MTUS1: variants seen among roughly 807,000 people sequenced by gnomAD.
MTUS1 encodes the protein microtubule-associated tumor suppressor 1.
In MTUS1, 109 loss-of-function variants were observed where a neutral mutation model predicts 120.8. The observed-to-expected ratio is 0.90, with a 90% CI of 0.77 to 1.06. MTUS1 has a LOEUF of 1.06. Ranked by LOEUF, MTUS1 falls within the 50% of genes least tolerant of loss-of-function variation. MTUS1 has a pLI of 0.00. For synonymous variants in MTUS1, 737 were observed against 550.5 expected (o/e 1.34, Z -4.74); for missense variants, 2,210 against 1,486.3 (o/e 1.49, Z -8.01).
At chr8:17,715,627 A>C in intron 5 of MTUS1, 140 bp downstream of exon 5, 2 of 925,382 alleles carry the variant, frequency 2.2e-6, no homozygotes, top group Non-Finnish European at 1.6e-6. Flanking sequence ...CAGTGCAAAA[A>C]TGTATTATAT....
intron 8 of MTUS1, among the ~76,000 whole-genome samples, chr8:17,660,417 T>C (rs975846635): frequency 6.6e-6 from 1 of 152,122 alleles, no homozygotes; most frequent in South Asian, 2.1e-4. Context: ...CAGATGACAT[T>C]TGTGTATCCA....
chr8:17,753,309 A>G (rs530765360), intron 2 of MTUS1, among the ~76,000 whole-genome samples: 1 of 152,326 alleles, frequency 6.6e-6, no homozygotes, highest in East Asian at 1.9e-4. Context: ...TTATGTTGAC[A>G]TGTTTACCAG....
At chr8:17,711,069 T>A (rs1274089879) in intron 6 of MTUS1, among the ~76,000 whole-genome samples, 2 of 152,188 alleles carry the variant, frequency 1.3e-5, no homozygotes, top group East Asian at 3.9e-4. Context: ...GGCTTTGTTG[T>A]TTCATTTATA....
chr8:17,784,987 G>A (rs1365782226), intron 1 of MTUS1, among the ~76,000 whole-genome samples: 1 of 151,420 alleles, frequency 6.6e-6, no homozygotes, highest in Non-Finnish European at 1.5e-5. Context: ...GTTTCACCAT[G>A]TTGGCCAGGC....
intron 3 of MTUS1, among the ~76,000 whole-genome samples, chr8:17,724,833 G>C (rs1043352977): frequency 1.3e-5 from 2 of 152,118 alleles, no homozygotes. Flanking sequence ...TCTTCCTTCT[G>C]AATCTCAAGG....
chr8:17,729,485 C>T (rs1343483533), intron 3 of MTUS1, among the ~76,000 whole-genome samples: 2 of 152,104 alleles, frequency 1.3e-5, no homozygotes, highest in Admixed American at 6.6e-5. Context: ...AAAAAGAAAT[C>T]CCTTACTTTG....
chr8:17,749,001 A>T (rs1019401040), intron 2 of MTUS1, among the ~76,000 whole-genome samples: 2 of 152,174 alleles, frequency 1.3e-5, no homozygotes, highest in African/African-American at 4.8e-5. Flanking sequence ...TAAAGCAAAA[A>T]TAAAATTCTA....
At chr8:17,690,294 C>T (rs886187450) in intron 6 of MTUS1, among the ~76,000 whole-genome samples, 1 of 152,180 alleles carries the variant, frequency 6.6e-6, no homozygotes, top group Non-Finnish European at 1.5e-5. Flanking sequence ...TGCTCAACAT[C>T]ACTAATCATC....
intron 3 of MTUS1, among the ~76,000 whole-genome samples, chr8:17,732,620 C>T (rs1003649299): frequency 1.3e-5 from 2 of 152,182 alleles, no homozygotes; most frequent in African/African-American, 4.8e-5. Flanking sequence ...ACTTGCATAT[C>T]CAGTTTTCTA....
At chr8:17,798,102 A>G (rs2052392965) in intron 1 of MTUS1, among the ~76,000 whole-genome samples, 1 of 152,192 alleles carries the variant, frequency 6.6e-6, no homozygotes, top group Admixed American at 6.5e-5. Context: ...GATTACTGAC[A>G]ATAAATGGAG....
rs932834270 is a variant in MTUS1 at position 17,697,151 on chromosome 8, T to C, written c.2624-12609A>G. On this transcript the variant is annotated intron_variant, in intron 6 of 14. Transcript: ENST00000693296. ...CCTCATCTCTCATTAGAGAGAGCTTTTTTCCTCCAATTATCTGTCTCCTTG... is the reference window on the plus strand; with the variant it reads ...CCTCATCTCTCATTAGAGAGAGCTTCTTTCCTCCAATTATCTGTCTCCTTG... 26 of 1,414,504 alleles carry C rather than the reference T, an allele frequency of 1.8e-5. No homozygotes were observed. In the African/African-American group the frequency reaches 3.1e-4, roughly 17 times the overall value. The allele number at this position is 1,414,504 out of a possible 1,614,324, so 87.6% of individuals were successfully genotyped here.
At position 17,646,008 on chromosome 8, in the gene MTUS1, C is replaced by T. The variant is rs1805701692; in HGVS notation, c.3731G>A (p.Arg1244Lys). The T allele has an allele frequency of 6.2e-7, 1 of 1,613,690 alleles. No homozygotes were observed. The highest frequency in any genetic ancestry group is 8.5e-7 in the Non-Finnish European group (1 of 1,179,976). The change falls in exon 15 of 15, where the codon AGA (arginine) becomes AAA (lysine). Residue 1244 changes from arginine (R) to lysine (K), a missense_variant. Arg to Lys is a conservative substitution (Grantham distance 26). Coordinates refer to ENST00000693296, the MANE Select transcript of MTUS1 (RefSeq NM_001363059.2). ...LHNGDLCSPK[R>K]SPTSSAIPLQ... ...AGGGATGGCGGAGGATGTGGGGGAT[C>T]TCTTGGGGCTACACAGGTCCCCATT...
At chr8:17,683,313 A>G in intron 7 of MTUS1, among the ~76,000 whole-genome samples, 1 of 152,080 alleles carries the variant, frequency 6.6e-6, no homozygotes, top group Non-Finnish European at 1.5e-5. Context: ...CTAGTCTGGT[A>G]GTTTCTCCAA....
At chr8:17,786,979 G>C (rs1478381715) in intron 1 of MTUS1, among the ~76,000 whole-genome samples, 5 of 152,144 alleles carry the variant, frequency 3.3e-5, no homozygotes, top group Non-Finnish European at 7.4e-5. Context: ...TTTTAAAAAA[G>C]ACTCTTTCCT....
At chr8:17,719,523 T>G (rs915289897) in intron 4 of MTUS1, among the ~76,000 whole-genome samples, 4 of 152,236 alleles carry the variant, frequency 2.6e-5, no homozygotes, top group Non-Finnish European at 5.9e-5. Context: ...TAATATTTCC[T>G]TTTTAAATAG....
intron 10 of MTUS1, 80 bp from the exon 11 acceptor site, chr8:17,653,578 T>C: frequency 1.0e-6 from 1 of 995,192 alleles, no homozygotes; most frequent in Non-Finnish European, 1.5e-6. Context: ...AGCATATAGA[T>C]GTAGGGGTTG....
chr8:17,731,374 C>A (rs2046566899), intron 3 of MTUS1, among the ~76,000 whole-genome samples: 1 of 152,130 alleles, frequency 6.6e-6, no homozygotes, highest in Non-Finnish European at 1.5e-5. Flanking sequence ...AGGAGTACTC[C>A]TTACCTCATA....
At chr8:17,773,482 G>C (rs2050166620) in intron 1 of MTUS1, among the ~76,000 whole-genome samples, 1 of 152,144 alleles carries the variant, frequency 6.6e-6, no homozygotes, top group South Asian at 2.1e-4. Context: ...CTACACCATA[G>C]ACTGGGTAAC....
At chr8:17,658,929 C>T (rs1809060969) in intron 8 of MTUS1, among the ~76,000 whole-genome samples, 1 of 151,608 alleles carries the variant, frequency 6.6e-6, no homozygotes, top group Admixed American at 6.6e-5. Context: ...AAAATTAAAT[C>T]AATCTACAAA....
Sources: allele counts gnomAD v4.1 joint callset (sites outside exome capture counted in the v4.1 genomes callset), GRCh38; gene constraint gnomAD v4.1.1; transcripts MANE v1.5; gene names NCBI Gene and HGNC (gene_info 2026-07-23, HGNC 2026-07-21).